The following PEAK1 variants were observed in gnomAD, a reference collection of about 807,000 sequenced individuals.
PEAK1 encodes the protein inactive tyrosine-protein kinase PEAK1.
PEAK1 carries 54 observed loss-of-function variants against 124.7 expected under a neutral mutation model. That is an observed-to-expected ratio of 0.43 (90% CI 0.35 to 0.54). PEAK1 has a LOEUF of 0.54. Ranked by LOEUF, PEAK1 falls within the 20% of genes least tolerant of loss-of-function variation. The pLI is 0.01. For synonymous variants in PEAK1, 719 were observed against 760.0 expected, an observed-to-expected ratio of 0.95 and a Z score of 0.89; for missense variants, 2,046 against 2,134.5, an observed-to-expected ratio of 0.96 and a Z score of 0.82.
intron 6 of PEAK1, among the ~76,000 whole-genome samples, chr15:77,222,874 TCAAA>T (rs545180005): frequency 5.3e-4 from 81 of 152,068 alleles, no homozygotes; most frequent in African/African-American, 1.9e-3. Flanking sequence ...AGGCAAAAAG[TCAAA>T]CAGAGTAAGA....
chr15:77,242,200 T>C (rs2152912955), intron 6 of PEAK1, among the ~76,000 whole-genome samples: 1 of 152,196 alleles, frequency 6.6e-6, no homozygotes, highest in South Asian at 2.1e-4. Context: ...TAGAAGTACA[T>C]TTTTTGGATC....
At chr15:77,189,417 C>T (rs2057718415) in intron 6 of PEAK1, among the ~76,000 whole-genome samples, 1 of 151,582 alleles carries the variant, frequency 6.6e-6, no homozygotes. Context: ...ATAAACATGG[C>T]AGTGTCTGAA....
intron 7 of PEAK1, among the ~76,000 whole-genome samples, chr15:77,174,269 T>C (rs1159039383): frequency 2.6e-5 from 4 of 152,206 alleles, no homozygotes; most frequent in Admixed American, 6.5e-5. Context: ...TGGCCTTTAG[T>C]ACAGTATTTT....
chr15:77,308,370 T>C (rs899150658), intron 2 of PEAK1, among the ~76,000 whole-genome samples: 1 of 152,100 alleles, frequency 6.6e-6, no homozygotes, highest in Non-Finnish European at 1.5e-5. Context: ...GAAATATATA[T>C]GGCAATATTA....
chr15:77,306,473 C>T (rs1257189438), intron 2 of PEAK1, among the ~76,000 whole-genome samples: 2 of 152,056 alleles, frequency 1.3e-5, no homozygotes, highest in East Asian at 1.9e-4. Flanking sequence ...CTTTCCTATG[C>T]CAATCAGAAT....
chr15:77,331,702 C>T (rs917185894), intron 2 of PEAK1, among the ~76,000 whole-genome samples: 2 of 151,966 alleles, frequency 1.3e-5, no homozygotes, highest in Non-Finnish European at 2.9e-5. Context: ...CTGCAACCTC[C>T]GCCTCCTGGG....
rs35640042 is a variant in PEAK1 at position 77,342,405 on chromosome 15, CTT to C, written c.-603+22756_-603+22757del. 2.8e-3 allele frequency among the ~76,000 whole-genome samples: 318 copies of C among 114,330 alleles called. 1 individual carries two copies. Among genetic ancestry groups the C allele is most frequent in the African/African-American group, 5.7e-3 (187 of 32,576 alleles). The allele number at this position is 114,330 out of a possible 152,430, so 75.0% of individuals were successfully genotyped here. On this transcript the variant is annotated intron_variant, in intron 2 of 9. Transcript: ENST00000682557. ...ATATAAGTAGAATCATACAGCATGT[CTT>C]TTTTTTTTTTTTTTTTTGAGACAGG...
At chr15:77,143,890 G>C (rs1159830834) in intron 8 of PEAK1, among the ~76,000 whole-genome samples, 2 of 152,196 alleles carry the variant, frequency 1.3e-5, no homozygotes, top group African/African-American at 4.8e-5. Flanking sequence ...GCTGAGAGCA[G>C]AATGGAATAA....
chr15:77,123,611 G>A (rs2052113218), intron 9 of PEAK1, among the ~76,000 whole-genome samples: 1 of 152,146 alleles, frequency 6.6e-6, no homozygotes, highest in Non-Finnish European at 1.5e-5. Context: ...AGTCTACTAT[G>A]AGGATATGAG....
Position 77,181,935 on chromosome 15 carries a change from A to G in PEAK1, c.-9T>C. 6.5e-7 allele frequency: 1 copy of G among 1,536,566 alleles called. No homozygotes were observed. Among genetic ancestry groups the G allele is most frequent in the East Asian group, 2.3e-5 (1 of 44,186 alleles). ...GTGTTACAAGCAGACATTTTTAAAA[A>G]TAGAACTTCACAGACAATGCTTTTC... On this transcript the variant is annotated 5_prime_UTR_variant, in exon 7 of 10. Coordinates refer to ENST00000682557, the MANE Select transcript of PEAK1 (RefSeq NM_001385026.1).
intron 2 of PEAK1, chr15:77,348,448 A>G (rs1283484861): frequency 1.6e-5 from 15 of 939,840 alleles, no homozygotes; most frequent in African/African-American, 1.8e-5. Flanking sequence ...AAAAGAAAAA[A>G]TAATAAATAA....
chr15:77,104,444 A>G (rs1243625219), downstream of PEAK1: 1 of 152,460 alleles, frequency 6.6e-6, no homozygotes, highest in Non-Finnish European at 1.5e-5. Flanking sequence ...TGAGTTGGTG[A>G]TTTCAGATGG....
intron 9 of PEAK1, among the ~76,000 whole-genome samples, chr15:77,127,726 T>C (rs971133899): frequency 2.0e-5 from 3 of 152,052 alleles, no homozygotes; most frequent in Admixed American, 6.6e-5. Context: ...AAAAAGGAAT[T>C]GTTGAGCAAA....
chr15:77,282,121 A>C (rs1169606433), intron 5 of PEAK1, among the ~76,000 whole-genome samples: 1 of 152,210 alleles, frequency 6.6e-6, no homozygotes, highest in African/African-American at 2.4e-5. Flanking sequence ...AATCAAATTT[A>C]TTTCCTGTGT....
chr15:77,123,808 A>G (rs939495102), intron 9 of PEAK1, among the ~76,000 whole-genome samples: 1 of 152,210 alleles, frequency 6.6e-6, no homozygotes, highest in African/African-American at 2.4e-5. Context: ...GAGCAGGAAT[A>G]TTTAAGTTAA....
chr15:77,328,117 T>C (rs1225347396), intron 2 of PEAK1, among the ~76,000 whole-genome samples: 1 of 152,168 alleles, frequency 6.6e-6, no homozygotes, highest in Non-Finnish European at 1.5e-5. Flanking sequence ...ATACCACATG[T>C]ATTTTAATCC....
chr15:77,184,863 C>T (rs948521058), intron 6 of PEAK1, among the ~76,000 whole-genome samples: 1 of 131,616 alleles, frequency 7.6e-6, no homozygotes, highest in Non-Finnish European at 1.7e-5. Context: ...CATTGTGCCA[C>T]TGCACCACAG....
In PEAK1 at chr15:77,207,833, T is replaced by A. The variant is rs891105789; in HGVS notation, c.-114-25793A>T. ...AAAGAGAAAATCCTTATGTAAACTA[T>A]GGACTTCGGTTGATAAAGGGGTTCT... On this transcript the variant is annotated intron_variant, in intron 6 of 9. Coordinates refer to ENST00000682557, the MANE Select transcript of PEAK1 (RefSeq NM_001385026.1). Among the ~76,000 whole-genome samples, 12 of 152,322 alleles carry A rather than the reference T, an allele frequency of 7.9e-5. No individual in the cohort carries two copies. In the Middle Eastern group the frequency reaches 0.01, roughly 130 times the overall value.
chr15:77,292,172 A>G (rs2063255641), intron 2 of PEAK1, among the ~76,000 whole-genome samples: 1 of 152,150 alleles, frequency 6.6e-6, no homozygotes, highest in Non-Finnish European at 1.5e-5. Context: ...ACACTGAGTT[A>G]GTGAACACTG....
Sources: allele counts gnomAD v4.1 joint callset (sites outside exome capture counted in the v4.1 genomes callset), GRCh38; gene constraint gnomAD v4.1.1; transcripts MANE v1.5; gene names NCBI Gene and HGNC (gene_info 2026-07-23, HGNC 2026-07-21).